Variants in FOLH1 observed in about 807,000 individuals in gnomAD.
The protein encoded by FOLH1 is glutamate carboxypeptidase 2.
A neutral mutation model predicts 93.9 loss-of-function variants in FOLH1; 54 were observed. The observed-to-expected ratio is 0.57, with a 90% CI of 0.46 to 0.72. The LOEUF (loss-of-function observed/expected upper bound fraction) is 0.72. Among genes scored for constraint, FOLH1 ranks in the 30% least tolerant of loss-of-function variants. FOLH1 has a pLI of 0.00. For missense variants in FOLH1, 571 were observed against 892.5 expected, an observed-to-expected ratio of 0.64 and a Z score of 4.59; for synonymous variants, 249 against 303.6, an observed-to-expected ratio of 0.82 and a Z score of 1.87.
intron 2 of FOLH1, among the ~76,000 whole-genome samples, chr11:49,205,119 G>A (rs892492453): frequency 2.0e-5 from 3 of 152,134 alleles, no homozygotes; most frequent in Admixed American, 6.5e-5. Context: ...CATGAGAATC[G>A]CTTGTACCTG....
intron 11 of FOLH1, 39 bp from the exon 12 acceptor site, chr11:49,169,297 C>T (rs1288372026): frequency 1.9e-6 from 3 of 1,573,326 alleles, no homozygotes; most frequent in African/African-American, 1.4e-5. Flanking sequence ...AAAGTTATAA[C>T]CCACTCCCCC....
intron 7 of FOLH1, among the ~76,000 whole-genome samples, chr11:49,177,556 T>A (rs1646747222): frequency 1.3e-5 from 2 of 152,072 alleles, no homozygotes; most frequent in African/African-American, 4.8e-5. Context: ...ATAAATTATT[T>A]TTTTTTTCTA....
chr11:49,183,393 G>A (rs1861011775), intron 6 of FOLH1, 151 bp from the exon 7 acceptor site: 7 of 617,684 alleles, frequency 1.1e-5, no homozygotes, highest in Non-Finnish European at 1.6e-5. Context: ...AGAATGCAGA[G>A]CAACTGAAAT....
chr11:49,149,954 A>G (rs1370962392), intron 17 of FOLH1, among the ~76,000 whole-genome samples: 1 of 152,078 alleles, frequency 6.6e-6, no homozygotes, highest in Non-Finnish European at 1.5e-5. Flanking sequence ...TCAATACTGT[A>G]TTTTATTTTG....
At chr11:49,164,885 A>G in intron 12 of FOLH1, 113 bp from the exon 13 acceptor site, 2 of 830,082 alleles carry the variant, frequency 2.4e-6, no homozygotes, top group South Asian at 3.3e-5. Flanking sequence ...CCTGATTTCA[A>G]CTGTAACTCT....
rs186451550 is a variant in FOLH1 at position 49,197,035 on chromosome 11, C to T, written c.411+3220G>A. The stretch of plus-strand genomic sequence containing the variant: ...AAATCAACTACGACTTGCCACATCC[C>T]CACATATTCCAAATTTCCCATATTT... On this transcript the variant is annotated intron_variant, in intron 3 of 18. Transcript: ENST00000256999. Among the ~76,000 whole-genome samples, 4 of 152,164 alleles carry T rather than the reference C, an allele frequency of 2.6e-5. No homozygotes were observed. In the East Asian group the frequency reaches 7.7e-4, roughly 29 times the overall value.
intron 8 of FOLH1, among the ~76,000 whole-genome samples, chr11:49,175,450 T>C (rs1272549677): frequency 3.3e-5 from 5 of 152,134 alleles, no homozygotes; most frequent in African/African-American, 1.2e-4. Context: ...TAATAAAATT[T>C]CAGGGAGGGG....
intron 3 of FOLH1, among the ~76,000 whole-genome samples, chr11:49,199,244 C>CCGT (rs1863011976): frequency 6.6e-6 from 1 of 152,166 alleles, no homozygotes; most frequent in African/African-American, 2.4e-5. Flanking sequence ...GACTCTTCTA[C>CCGT]ATACGGTAGC....
chr11:49,150,241 A>G (rs1452700978), intron 17 of FOLH1, among the ~76,000 whole-genome samples: 2 of 152,356 alleles, frequency 1.3e-5, no homozygotes, highest in Non-Finnish European at 2.9e-5. Context: ...TGTCAATTGT[A>G]AATTTTAACA....
In FOLH1 at chr11:49,181,258, C is replaced by T. The variant is rs868401313; in HGVS notation, c.920+1891G>A. On this transcript the variant is annotated intron_variant, in intron 7 of 18. Transcript: ENST00000256999. ...GAGTAGCTGGGACTACAGGCATGCA[C>T]CAGCATGCCCAGCTAATTTTTGTAT... 2.6e-5 allele frequency among the ~76,000 whole-genome samples: 4 copies of T among 151,846 alleles called. No individual in the cohort carries two copies. The South Asian group carries it at 6.2e-4, about 24-fold the overall frequency.
chr11:49,179,297 A>G (rs1386641300), intron 7 of FOLH1, among the ~76,000 whole-genome samples: 4 of 152,328 alleles, frequency 2.6e-5, no homozygotes, highest in Admixed American at 2.6e-4. Context: ...GTGTAACTCA[A>G]GTGCACATGG....
At chr11:49,151,611 C>T (rs768734365) in intron 17 of FOLH1, among the ~76,000 whole-genome samples, 8 of 151,932 alleles carry the variant, frequency 5.3e-5, no homozygotes, top group African/African-American at 2.4e-5. Flanking sequence ...CTATTATGTG[C>T]AAAGCACTGC....
In FOLH1 at chr11:49,183,177, C is replaced by G. The variant is rs1379470594; in HGVS notation, c.892G>C (p.Gly298Arg). 6.2e-7 allele frequency: 1 copy of G among 1,612,144 alleles called. No homozygotes were observed. The highest frequency in any genetic ancestry group is 8.5e-7 in the Non-Finnish European group (1 of 1,179,104). Residue 298 changes from glycine (G) to arginine (R), a missense_variant, in exon 7 of 19, where the codon GGA becomes CGA. Physicochemically the swap from Gly to Arg is moderately radical, Grantham distance 125 (BLOSUM62 -2). Transcript: ENST00000256999. ...AGGAGCTTCTGTGCATCATAGTATC[C>G]AATTGGATGAACAGGAATACTTGGA... ...GLPSIPVHPI[G>R]YYDAQKLLEK...
chr11:49,170,088 A>G (rs1264461877), intron 11 of FOLH1, among the ~76,000 whole-genome samples: 1 of 152,156 alleles, frequency 6.6e-6, no homozygotes, highest in African/African-American at 2.4e-5. Flanking sequence ...TATCTGGAGT[A>G]TGAAAGGAGC....
chr11:49,150,680 T>C (rs1856405287), intron 17 of FOLH1, among the ~76,000 whole-genome samples: 1 of 152,164 alleles, frequency 6.6e-6, no homozygotes, highest in African/African-American at 2.4e-5. Context: ...CTCCCTGCTT[T>C]TACAGAACTT....
At chr11:49,199,142 G>A (rs930582512) in intron 3 of FOLH1, among the ~76,000 whole-genome samples, 4 of 152,064 alleles carry the variant, frequency 2.6e-5, no homozygotes, top group African/African-American at 9.7e-5. Flanking sequence ...GACATTTTCA[G>A]TTCACTGATC....
At chr11:49,158,565 G>A (rs1358732568) in intron 13 of FOLH1, among the ~76,000 whole-genome samples, 1 of 152,078 alleles carries the variant, frequency 6.6e-6, no homozygotes, top group Non-Finnish European at 1.5e-5. Context: ...AGTATAGTTT[G>A]ATGTCTCCAG....
At chr11:49,187,037 C>A (rs1861470513) in intron 4 of FOLH1, among the ~76,000 whole-genome samples, 1 of 150,030 alleles carries the variant, frequency 6.7e-6, no homozygotes, top group Non-Finnish European at 1.5e-5. Context: ...ACAGAAGCAC[C>A]CCCCCCACAC....
At position 49,183,354 on chromosome 11, in the gene FOLH1, A is replaced by C. The variant is rs1228418382; in HGVS notation, c.827-112T>G. On this transcript the variant is annotated intron_variant, in intron 6 of 18. Coordinates refer to ENST00000256999, the MANE Select transcript of FOLH1 (RefSeq NM_004476.3). ...TCACATTTGCTAGAATTGTTAAAGT[A>C]AAACAGATTAACAATTCAAATGTTA... The C allele has an allele frequency of 1.0e-5, 8 of 783,330 alleles. No individual in the cohort carries two copies. In the African/African-American group the frequency reaches 1.2e-4, roughly 12 times the overall value. The allele number at this position is 783,330 out of a possible 1,614,324, so 48.5% of individuals were successfully genotyped here. A position where few individuals can be genotyped will look rare whatever the true frequency, so the allele number is the denominator to read the frequency against.
Sources: gnomAD v4.1 joint callset for allele counts (sites outside exome capture counted in the v4.1 genomes callset) on GRCh38, gnomAD v4.1.1 for gene constraint, MANE v1.5 for transcripts, NCBI Gene and HGNC (gene_info 2026-07-23, HGNC 2026-07-21) for gene names.